Variants in ZNF277 observed in about 807,000 individuals in gnomAD.
ZNF277 encodes the protein nuclear receptor-interacting factor 4.
A neutral mutation model predicts 60.7 loss-of-function variants in ZNF277; 55 were observed. That is an observed-to-expected ratio of 0.91 (90% CI 0.73 to 1.13). The LOEUF (loss-of-function observed/expected upper bound fraction) is 1.13. Ranked by LOEUF, ZNF277 falls within the 50% of genes most tolerant of loss-of-function variation. The pLI is 0.00. For missense variants in ZNF277, 510 were observed against 523.0 expected (o/e 0.98, Z 0.24); for synonymous variants, 178 against 179.3 (o/e 0.99, Z 0.06).
chr7:112,296,271 A>G lies in ZNF277; in HGVS notation c.425A>G (p.Glu142Gly), dbSNP rs1792325714. 6.3e-7 allele frequency: 1 copy of G among 1,593,396 alleles called. No individual in the cohort carries two copies. Among genetic ancestry groups the G allele is most frequent in the African/African-American group, 1.4e-5 (1 of 74,024 alleles). ...TTTTTGTTATGTGACGTTTTACCAG[A>G]AGATAGAATTCTTAGAGAAGAGCTT... The part of the protein sequence containing the change: ...NYFLLCDVLP[E>G]DRILREELQK... The change falls in exon 4 of 12, where the codon GAA (glutamate) becomes GGA (glycine). Residue 142 changes from glutamate (E) to glycine (G), a missense_variant. Coordinates refer to ENST00000361822, the MANE Select transcript of ZNF277 (RefSeq NM_021994.3).
intron 1 of ZNF277, among the ~76,000 whole-genome samples, chr7:112,221,037 G>C (rs187960911): frequency 6.6e-6 from 1 of 152,134 alleles, no homozygotes; most frequent in East Asian, 1.9e-4. Flanking sequence ...CACCACTGCT[G>C]TTTGCCACCA....
intron 7 of ZNF277, among the ~76,000 whole-genome samples, chr7:112,331,306 G>A (rs1355517524): frequency 6.6e-6 from 1 of 152,094 alleles, no homozygotes; most frequent in Non-Finnish European, 1.5e-5. Context: ...ATATGACAAA[G>A]GAGGGAAACT....
At chr7:112,267,897 G>A (rs899206924) in intron 1 of ZNF277, among the ~76,000 whole-genome samples, 2 of 152,080 alleles carry the variant, frequency 1.3e-5, no homozygotes, top group African/African-American at 2.4e-5. Context: ...TCCCACAGAC[G>A]AGTGAAATTC....
intron 4 of ZNF277, among the ~76,000 whole-genome samples, chr7:112,313,218 A>G (rs753855155): frequency 2.0e-5 from 3 of 151,570 alleles, no homozygotes. Context: ...TGCATCTTCT[A>G]TTTTGCTCAA....
chr7:112,320,766 G>A (rs1279746915), intron 5 of ZNF277, among the ~76,000 whole-genome samples: 2 of 151,838 alleles, frequency 1.3e-5, no homozygotes, highest in African/African-American at 4.8e-5. Flanking sequence ...CGTGTTTAAT[G>A]TCATTACTAA....
intron 1 of ZNF277, among the ~76,000 whole-genome samples, chr7:112,262,630 T>C (rs941683072): frequency 6.6e-6 from 1 of 152,182 alleles, no homozygotes; most frequent in Admixed American, 6.5e-5. Context: ...CAGAATATTT[T>C]ATAAACAATA....
At position 112,206,708 on chromosome 7, in the gene ZNF277, T is replaced by G; in HGVS notation, c.-9T>G. Reference sequence around the variant, plus strand: ...CCCTGCGGCCCTCCCTTTTCTTTTCTGCCGGGTAATGGCTGCTTCCAAGAC... The same window carrying G: ...CCCTGCGGCCCTCCCTTTTCTTTTCGGCCGGGTAATGGCTGCTTCCAAGAC... On this transcript the variant is annotated 5_prime_UTR_variant, in exon 1 of 12. Transcript: ENST00000361822. 1 of 1,613,014 alleles carries G rather than the reference T, an allele frequency of 6.2e-7. No individual in the cohort carries two copies. The highest frequency in any genetic ancestry group is 8.5e-7 in the Non-Finnish European group (1 of 1,179,646).
chr7:112,269,447 C>T (rs1362487447), intron 1 of ZNF277, among the ~76,000 whole-genome samples: 1 of 151,930 alleles, frequency 6.6e-6, no homozygotes, highest in African/African-American at 2.4e-5. Flanking sequence ...TTTTGGTAAA[C>T]CAAACACTAT....
chr7:112,287,717 G>A (rs980866040), intron 2 of ZNF277: 8 of 151,992 alleles, frequency 5.3e-5, no homozygotes, highest in African/African-American at 1.9e-4. Flanking sequence ...AGTAGAGATG[G>A]GGTTTCACCA....
At chr7:112,256,352 C>T (rs1791305911) in intron 1 of ZNF277, among the ~76,000 whole-genome samples, 2 of 151,008 alleles carry the variant, frequency 1.3e-5, no homozygotes, top group South Asian at 2.1e-4. Context: ...GAAGACTATA[C>T]TCTTGAGGAA....
intron 1 of ZNF277, among the ~76,000 whole-genome samples, chr7:112,213,189 G>T (rs756067737): frequency 1.2e-4 from 18 of 152,298 alleles, no homozygotes; most frequent in Non-Finnish European, 1.9e-4. Flanking sequence ...TCCTGCACAA[G>T]CTCTCTCTTT....
chr7:112,329,047 A>G (rs980615757), intron 6 of ZNF277, among the ~76,000 whole-genome samples: 1 of 152,164 alleles, frequency 6.6e-6, no homozygotes, highest in African/African-American at 2.4e-5. Flanking sequence ...GCAATAATGA[A>G]TATATATAAT....
At chr7:112,273,982 A>G (rs1791737667) in intron 1 of ZNF277, among the ~76,000 whole-genome samples, 1 of 151,820 alleles carries the variant, frequency 6.6e-6, no homozygotes, top group African/African-American at 2.4e-5. Flanking sequence ...ACAATTTATT[A>G]GTTTTCATTT....
At chr7:112,209,547 T>G (rs1821680406) in intron 1 of ZNF277, among the ~76,000 whole-genome samples, 1 of 152,098 alleles carries the variant, frequency 6.6e-6, no homozygotes, top group African/African-American at 2.4e-5. Flanking sequence ...TTTCTCACCC[T>G]CGGTGAGAAA....
chr7:112,340,461 A>G (rs928069729), intron 10 of ZNF277, among the ~76,000 whole-genome samples: 2 of 152,236 alleles, frequency 1.3e-5, no homozygotes, highest in Admixed American at 6.5e-5. Flanking sequence ...AGCTCAGCTC[A>G]GTCACTGCTT....
chr7:112,280,871 G>A (rs982639174), intron 1 of ZNF277, among the ~76,000 whole-genome samples: 3 of 151,958 alleles, frequency 2.0e-5, no homozygotes, highest in African/African-American at 4.8e-5. Flanking sequence ...CAAGTAATGC[G>A]CCCACCTCAG....
chr7:112,338,373 G>A (rs987269080), intron 9 of ZNF277, among the ~76,000 whole-genome samples: 1 of 152,066 alleles, frequency 6.6e-6, no homozygotes, highest in Admixed American at 6.6e-5. Flanking sequence ...TTTCACCCCA[G>A]TATACCTGAG....
At chr7:112,251,504 T>G (rs1791199468) in intron 1 of ZNF277, among the ~76,000 whole-genome samples, 2 of 152,238 alleles carry the variant, frequency 1.3e-5, no homozygotes, top group Non-Finnish European at 2.9e-5. Context: ...CATTTTTGTT[T>G]TATATGTATA....
At chr7:112,287,609 T>C (rs2117063166) in intron 2 of ZNF277, 1 of 151,860 alleles carries the variant, frequency 6.6e-6, no homozygotes, top group Non-Finnish European at 1.5e-5. Context: ...TTGTTGCAAC[T>C]TCTGCCTCCC....
Sources: gnomAD v4.1 joint callset for allele counts (sites outside exome capture counted in the v4.1 genomes callset) on GRCh38, gnomAD v4.1.1 for gene constraint, MANE v1.5 for transcripts, NCBI Gene and HGNC (gene_info 2026-07-23, HGNC 2026-07-21) for gene names.